FBXO9: variants seen among roughly 807,000 people sequenced by gnomAD.
FBXO9 encodes F-box only protein 9.
A neutral mutation model predicts 63.7 loss-of-function variants in FBXO9; 43 were observed. That is an observed-to-expected ratio of 0.67 (90% confidence interval 0.53 to 0.87). FBXO9 has a LOEUF of 0.87. Ranked by LOEUF, FBXO9 falls within the 40% of genes least tolerant of loss-of-function variation. FBXO9 has a pLI of 0.00. For synonymous variants in FBXO9, 156 were observed against 171.7 expected (o/e 0.91, Z 0.72); for missense variants, 442 against 533.2 (o/e 0.83, Z 1.68).
chr6:53,088,860 A>C (rs1472354345), intron 7 of FBXO9, among the ~76,000 whole-genome samples: 2 of 151,712 alleles, frequency 1.3e-5, no homozygotes, highest in Admixed American at 6.5e-5. Flanking sequence ...TCAGTCTCCT[A>C]AAGTGCAGGA....
intron 7 of FBXO9, among the ~76,000 whole-genome samples, chr6:53,084,944 T>TGA (rs1409927006): frequency 1.3e-5 from 2 of 152,214 alleles, no homozygotes; most frequent in East Asian, 3.8e-4. Flanking sequence ...ACGATAAGGC[T>TGA]GAGAACTCTT....
chr6:53,067,569 G>T (rs1043925046), intron 1 of FBXO9, among the ~76,000 whole-genome samples: 6 of 152,116 alleles, frequency 3.9e-5, no homozygotes, highest in Non-Finnish European at 8.8e-5. Context: ...CAGAGCAGGG[G>T]AAGCTCTTGA....
chr6:53,080,308 T>G (rs1482872654), intron 5 of FBXO9, among the ~76,000 whole-genome samples: 1 of 151,886 alleles, frequency 6.6e-6, no homozygotes, highest in Non-Finnish European at 1.5e-5. Context: ...TTTTTTTTTT[T>G]GTTTTTTTGT....
chr6:53,069,826 CTT>C (rs1212822482), intron 1 of FBXO9, among the ~76,000 whole-genome samples: 2 of 151,906 alleles, frequency 1.3e-5, no homozygotes, highest in Non-Finnish European at 2.9e-5. Context: ...AATACTGTGA[CTT>C]GATATTTGAT....
intron 11 of FBXO9, 139 bp downstream of exon 11, chr6:53,094,117 A>G: frequency 2.3e-6 from 1 of 434,990 alleles, no homozygotes; most frequent in East Asian, 3.7e-5. Flanking sequence ...ACTTCTAGCA[A>G]TCACTGAAGA....
chr6:53,091,689 A>T (rs1195333880), intron 7 of FBXO9: 1 of 152,360 alleles, frequency 6.6e-6, no homozygotes, highest in Admixed American at 6.5e-5. Flanking sequence ...TTTTAAACAA[A>T]GTCCTGTTGG....
At chr6:53,093,863 C>G (rs1176173573) in intron 10 of FBXO9, 22 bp from the exon 11 acceptor site, 1 of 1,433,024 alleles carries the variant, frequency 7.0e-7, no homozygotes, top group Middle Eastern at 1.8e-4. Context: ...GATTTAGATT[C>G]AATTTGTTTT....
chr6:53,092,625 C>G (rs1763075052), intron 8 of FBXO9, 78 bp downstream of exon 8: 1 of 1,443,106 alleles, frequency 6.9e-7, no homozygotes, highest in Admixed American at 1.7e-5. Context: ...TTTAAATTTT[C>G]TGTGATGAAT....
At chr6:53,067,335 A>ATC (rs1185564022) in intron 1 of FBXO9, among the ~76,000 whole-genome samples, 1 of 152,204 alleles carries the variant, frequency 6.6e-6, no homozygotes, top group African/African-American at 2.4e-5. Context: ...GGTAACTGAG[A>ATC]TGTGTTCCTG....
chr6:53,095,739 A>G (rs757551653), intron 12 of FBXO9, 75 bp downstream of exon 12: 1 of 1,376,472 alleles, frequency 7.3e-7, no homozygotes, highest in Non-Finnish European at 9.9e-7. Flanking sequence ...AATTTCAGAT[A>G]TGTTTCTAAT....
rs761159029 is a variant in FBXO9, at chr6:53,075,734, A to ATTTTTTTTTTTTTTTTTTTTTTTTTTTT, written c.250-750_250-749insTTTTTTTTTTTTTTTTTTTTTTTTTTTT. 6.1e-5 allele frequency among the ~76,000 whole-genome samples: 5 copies of ATTTTTTTTTTTTTTTTTTTTTTTTTTTT among 82,180 alleles called. 2 individuals carry two copies. The highest frequency in any genetic ancestry group is 3.7e-4 in the Admixed American group (2 of 5,372). 53.9% of individuals were successfully genotyped at this position (82,180 alleles called of 152,430 possible). On this transcript the variant is annotated intron_variant, in intron 3 of 12. Transcript: ENST00000323557. ...TAATTGGATTACATATATATATATA[A>ATTTTTTTTTTTTTTTTTTTTTTTTTTTT]TTATTTTTTTTTTTTTTTTTTTTTT...
intron 3 of FBXO9, among the ~76,000 whole-genome samples, chr6:53,074,393 C>A (rs1338163677): frequency 6.6e-6 from 1 of 152,170 alleles, no homozygotes; most frequent in East Asian, 1.9e-4. Flanking sequence ...CCTGTGTGCC[C>A]TTTAACCTCC....
At chr6:53,071,813 C>T (rs1431334501) in intron 2 of FBXO9, among the ~76,000 whole-genome samples, 2 of 152,130 alleles carry the variant, frequency 1.3e-5, no homozygotes, top group African/African-American at 4.8e-5. Flanking sequence ...ATTCTACTTC[C>T]AGGAAATTAA....
At position 53,073,536 on chromosome 6, in the gene FBXO9, G is replaced by A; in HGVS notation, c.146G>A (p.Ser49Asn). ...ATGTTTGAACTTGCTCCAGGTGTAA[G>A]CTCTAGCAATTTAGAAAATCGACCT... ...QWMFELAPGVSSSNLENRPCR... is the reference protein window; with the variant it reads ...QWMFELAPGVNSSNLENRPCR... Residue 49 changes from serine (S) to asparagine (N), a missense_variant, in exon 3 of 13, where the codon AGC becomes AAC. Ser to Asn is a conservative substitution (Grantham distance 46, BLOSUM62 1). This residue lies in a region of FBXO9 where 180 missense variants were observed against 171.1 expected (regional missense o/e 1.05). Coordinates refer to ENST00000323557, the MANE Select transcript of FBXO9 (RefSeq NM_033480.3). 9 of 1,613,670 alleles carry A rather than the reference G, an allele frequency of 5.6e-6. No individual in the cohort carries two copies. Among genetic ancestry groups the A allele is most frequent in the Non-Finnish European group, 7.6e-6 (9 of 1,179,764 alleles).
At chr6:53,080,861 T>G in intron 5 of FBXO9, 107 bp from the exon 6 acceptor site, 1 of 1,207,722 alleles carries the variant, frequency 8.3e-7, no homozygotes, top group Non-Finnish European at 1.2e-6. Flanking sequence ...TGAATAAGCT[T>G]TAGGTGACTT....
rs1203829131 is a variant in FBXO9, at chr6:53,100,285, T to A, written c.*2455T>A. The stretch of plus-strand genomic sequence containing the variant: ...TAGAAACTTTTTAACTTCAGGAGTG[T>A]CCTTCCTTTGCTCTATTAGGACATT... On this transcript the variant is annotated 3_prime_UTR_variant, in exon 13 of 13. Coordinates refer to ENST00000323557, the MANE Select transcript of FBXO9 (RefSeq NM_033480.3). 1 of 152,216 alleles carries A rather than the reference T, an allele frequency of 6.6e-6. No homozygotes were observed. Among genetic ancestry groups the A allele is most frequent in the African/African-American group, 2.4e-5 (1 of 41,462 alleles). The allele number at this position is 152,216 out of a possible 1,614,324, so 9.4% of individuals were successfully genotyped here.
rs1277192240 is a variant in FBXO9, at chr6:53,097,758, T to C, written c.1242T>C (p.Ile414=). The C allele has an allele frequency of 3.7e-6, 6 of 1,606,986 alleles. No individual in the cohort carries two copies. The East Asian group carries it at 1.1e-4, about 30-fold the overall frequency. The change falls in exon 13 of 13, where the codon ATT becomes ATC. Residue 414 remains isoleucine, a synonymous_variant. Coordinates refer to ENST00000323557, the MANE Select transcript of FBXO9 (RefSeq NM_033480.3). ...AGACTGCAGTCAGTGCTTTTGAGAT[T>C]GACAAGATGTACACCCCCTTGTTCT... is the stretch of plus-strand genomic sequence containing the variant. The part of the protein sequence containing the change: ...TGETAVSAFE[I]DKMYTPLFFA...
intron 4 of FBXO9, among the ~76,000 whole-genome samples, chr6:53,077,900 A>C (rs917025101): frequency 2.0e-5 from 3 of 152,146 alleles, no homozygotes; most frequent in African/African-American, 7.2e-5. Context: ...GGGAAAAAGA[A>C]CTAGTCAGCC....
At chr6:53,094,213 A>G (rs985417034) in intron 11 of FBXO9, among the ~76,000 whole-genome samples, 2 of 152,186 alleles carry the variant, frequency 1.3e-5, no homozygotes, top group African/African-American at 4.8e-5. Flanking sequence ...TTTATATATG[A>G]AAATGTAAAG....
Sources: allele counts gnomAD v4.1 joint callset (sites outside exome capture counted in the v4.1 genomes callset), GRCh38; gene constraint gnomAD v4.1.1; regional missense constraint gnomAD v4.1.1; transcripts MANE v1.5; gene names NCBI Gene and HGNC (gene_info 2026-07-23, HGNC 2026-07-21).